MEF2C: variants seen among roughly 807,000 people sequenced by gnomAD.
MEF2C encodes myocyte enhancer factor 2C.
A neutral mutation model predicts 50.5 loss-of-function variants in MEF2C; 6 were observed. The ratio of observed to expected loss-of-function variants is 0.12; its 90% CI spans 0.07 to 0.23. MEF2C has a LOEUF of 0.23. Among genes scored for constraint, MEF2C ranks in the 10% least tolerant of loss-of-function variants. The pLI is 1.00. For synonymous variants in MEF2C, 183 were observed against 228.0 expected (o/e 0.80, Z 1.78); for missense variants, 276 against 605.0 (o/e 0.46, Z 5.70).
chr5:88,731,436 A>AT (rs919560145), intron 7 of MEF2C: 24 of 289,142 alleles, frequency 8.3e-5, no homozygotes, highest in African/African-American at 4.9e-4. Flanking sequence ...GTAGTGTCTG[A>AT]TTTTTTTCCA....
Position 88,851,188 on chromosome 5 carries a change from G to A in MEF2C, c.-142-27258C>T, listed in dbSNP as rs548632969. Reference sequence around the variant, plus strand: ...GTGGAGGTTGCAGTGAGCCGAGATCGCGCAACTGCACTCCAGCCTGGTGAC... The same window carrying A: ...GTGGAGGTTGCAGTGAGCCGAGATCACGCAACTGCACTCCAGCCTGGTGAC... On this transcript the variant is annotated intron_variant, in intron 1 of 10. Transcript: ENST00000504921. Among the ~76,000 whole-genome samples the A allele has an allele frequency of 4.9e-5, 7 of 143,210 alleles. No individual in the cohort carries two copies. In the East Asian group the frequency reaches 6.1e-4, roughly 12 times the overall value. 94.0% of individuals were successfully genotyped at this position (143,210 alleles called of 152,430 possible).
At chr5:88,785,781 G>A (rs970960632) in intron 3 of MEF2C, among the ~76,000 whole-genome samples, 9 of 152,050 alleles carry the variant, frequency 5.9e-5, no homozygotes, top group Admixed American at 2.0e-4. Flanking sequence ...ATTTATGGCA[G>A]TTTGTCAGGT....
chr5:88,810,827 G>A (rs1203502255), intron 2 of MEF2C, among the ~76,000 whole-genome samples: 5 of 152,064 alleles, frequency 3.3e-5, no homozygotes, highest in East Asian at 1.9e-4. Context: ...TGCATGCAAC[G>A]TAAATCTGGG....
chr5:88,889,805 C>T (rs944041182), intron 1 of MEF2C, among the ~76,000 whole-genome samples: 2 of 152,028 alleles, frequency 1.3e-5, no homozygotes, highest in African/African-American at 4.8e-5. Context: ...GTTTTGGGAT[C>T]CTGGGCTGGA....
At chr5:88,896,121 A>G (rs944180004) in intron 1 of MEF2C, among the ~76,000 whole-genome samples, 1 of 152,184 alleles carries the variant, frequency 6.6e-6, no homozygotes, top group African/African-American at 2.4e-5. Context: ...TTGAGGAAGC[A>G]ATTTTGTTTT....
intron 1 of MEF2C, among the ~76,000 whole-genome samples, chr5:88,858,490 C>A (rs1274970305): frequency 6.6e-6 from 1 of 152,160 alleles, no homozygotes; most frequent in South Asian, 2.1e-4. Context: ...TAAAGCCCAC[C>A]TGGGATGTCA....
chr5:88,814,074 C>A (rs1018874876), intron 2 of MEF2C, among the ~76,000 whole-genome samples: 2 of 152,044 alleles, frequency 1.3e-5, no homozygotes, highest in African/African-American at 4.8e-5. Context: ...CACAGGTCTT[C>A]CTATGTGTTT....
At chr5:88,740,348 A>C in intron 6 of MEF2C, 1 of 985,154 alleles carries the variant, frequency 1.0e-6, no homozygotes, top group Non-Finnish European at 1.2e-6. Context: ...TGTGAGGGAG[A>C]GGTAAAGAAA....
chr5:88,879,918 T>C (rs1317878914), intron 1 of MEF2C, among the ~76,000 whole-genome samples: 1 of 152,144 alleles, frequency 6.6e-6, no homozygotes, highest in Non-Finnish European at 1.5e-5. Flanking sequence ...ATGTGAACTA[T>C]GTAATCTGCC....
intron 3 of MEF2C, among the ~76,000 whole-genome samples, chr5:88,768,448 C>A (rs1321797676): frequency 6.6e-6 from 1 of 152,156 alleles, no homozygotes; most frequent in Non-Finnish European, 1.5e-5. Flanking sequence ...TACTATATGT[C>A]AGGTGCTGCC....
chr5:88,728,395 A>G (rs1759856942), intron 10 of MEF2C, 98 bp downstream of exon 10: 2 of 969,318 alleles, frequency 2.1e-6, no homozygotes, highest in Non-Finnish European at 2.7e-6. Context: ...GTAGAGTTTT[A>G]TACCCGTTAA....
intron 3 of MEF2C, among the ~76,000 whole-genome samples, chr5:88,799,450 G>A (rs1245701650): frequency 6.6e-6 from 1 of 152,218 alleles, no homozygotes; most frequent in African/African-American, 2.4e-5. Flanking sequence ...GTCAAGTAAA[G>A]TAGACATATT....
intron 10 of MEF2C, among the ~76,000 whole-genome samples, chr5:88,725,822 T>G (rs1018419422): frequency 5.3e-5 from 8 of 152,182 alleles, no homozygotes; most frequent in African/African-American, 1.9e-4. Flanking sequence ...TCTCTCAGTA[T>G]GTACTGAACA....
At chr5:88,834,278 TG>T (rs995845483) in intron 1 of MEF2C, among the ~76,000 whole-genome samples, 1 of 152,106 alleles carries the variant, frequency 6.6e-6, no homozygotes, top group Non-Finnish European at 1.5e-5. Context: ...GTAACATACT[TG>T]GTGTATTCTG....
chr5:88,770,065 G>A lies in MEF2C; in HGVS notation c.259-8737C>T, dbSNP rs907744633. 4.4e-5 allele frequency: 40 copies of A among 903,280 alleles called. No homozygotes were observed. In the South Asian group the frequency reaches 5.6e-4, roughly 13 times the overall value. The allele number at this position is 903,280 out of a possible 1,614,324, so 56.0% of individuals were successfully genotyped here. On this transcript the variant is annotated intron_variant, in intron 3 of 10. Transcript: ENST00000504921. ...TGATTTCTTAAATGAGGAAGGAAAA[G>A]ACAAGACAGAACTATAAATTAAACA...
At position 88,722,627 on chromosome 5, in the gene MEF2C, GTCGCA is replaced by G. The variant is rs761926774; in HGVS notation, c.1394_1398del (p.Met465ThrfsTer3). On this transcript the variant is annotated frameshift_variant, in exon 11 of 11. Coordinates refer to ENST00000504921, the MANE Select transcript of MEF2C (RefSeq NM_002397.5). LOFTEE classifies it high-confidence loss of function. ...GATCATGTTGCCCATCCTTCAGAAA[GTCGCA>G]TGCGCTTGACTGAGGGACTTTCCCT... 6.2e-7 allele frequency: 1 copy of G among 1,612,300 alleles called. No homozygotes were observed. Among genetic ancestry groups the G allele is most frequent in the Non-Finnish European group, 8.5e-7 (1 of 1,178,838 alleles).
At chr5:88,861,426 A>C (rs767674201) in intron 1 of MEF2C, among the ~76,000 whole-genome samples, 1 of 152,222 alleles carries the variant, frequency 6.6e-6, no homozygotes, top group Non-Finnish European at 1.5e-5. Context: ...TAACCACTGC[A>C]ACACAGGTAT....
At chr5:88,840,241 A>C (rs1816828210) in intron 1 of MEF2C, among the ~76,000 whole-genome samples, 1 of 152,166 alleles carries the variant, frequency 6.6e-6, no homozygotes, top group Non-Finnish European at 1.5e-5. Context: ...CTAATCCCTC[A>C]CAGAATACTT....
At chr5:88,840,599 C>T (rs9293504) in intron 1 of MEF2C, among the ~76,000 whole-genome samples, 11,008 of 152,170 alleles carry the variant, frequency 0.072, 805 homozygotes, top group African/African-American at 0.18. Context: ...TTGTTTCTAG[C>T]CAACTCTTCC....
Sources: gnomAD v4.1 joint callset for allele counts (sites outside exome capture counted in the v4.1 genomes callset) on GRCh38, gnomAD v4.1.1 for gene constraint, MANE v1.5 for transcripts, NCBI Gene and HGNC (gene_info 2026-07-23, HGNC 2026-07-21) for gene names.